Variants in ADGRG1 observed in about 807,000 individuals in gnomAD.
ADGRG1 encodes 7-transmembrane protein with no EGF-like N-terminal domains-1.
Under a neutral mutation model 73.5 loss-of-function variants are expected in ADGRG1, and 53 were observed. The ratio of observed to expected loss-of-function variants is 0.72; its 90% CI spans 0.58 to 0.91. ADGRG1 has a LOEUF of 0.91. Ranked by LOEUF, ADGRG1 falls within the 40% of genes least tolerant of loss-of-function variation. The pLI is 0.00. For synonymous variants in ADGRG1, 394 were observed against 374.4 expected (o/e 1.05, Z -0.60); for missense variants, 795 against 871.8 (o/e 0.91, Z 1.11).
At chr16:57,648,884 G>A (rs1318882318) in intron 1 of ADGRG1, among the ~76,000 whole-genome samples, 5 of 152,250 alleles carry the variant, frequency 3.3e-5, no homozygotes, top group African/African-American at 1.2e-4. Flanking sequence ...GACCAGGCAG[G>A]GAAAGCCCCT....
chr16:57,635,039 G>C (rs1461568568), intron 1 of ADGRG1: 1 of 985,184 alleles, frequency 1.0e-6, no homozygotes, highest in Non-Finnish European at 1.2e-6. Flanking sequence ...GAGGGGGAGA[G>C]GGACCCAGCT....
At position 57,664,604 on chromosome 16, in the gene ADGRG1, T is replaced by C. The variant is rs1000122903; in HGVS notation, c.*1022T>C. On this transcript the variant is annotated 3_prime_UTR_variant, in exon 14 of 14. Coordinates refer to ENST00000562631, the MANE Select transcript of ADGRG1 (RefSeq NM_201525.4). ...ACTGGCCTAGGGCCTGACACTCTCCTAAGAGGTTCTCTCCAAGCCCCCAAA... is the reference window on the plus strand; with the variant it reads ...ACTGGCCTAGGGCCTGACACTCTCCCAAGAGGTTCTCTCCAAGCCCCCAAA... The C allele has an allele frequency of 2.0e-5, 3 of 152,372 alleles. No homozygotes were observed. Among genetic ancestry groups the C allele is most frequent in the Non-Finnish European group, 4.4e-5 (3 of 68,152 alleles). The allele number at this position is 152,372 out of a possible 1,614,324, so 9.4% of individuals were successfully genotyped here.
chr16:57,637,705 T>G, intron 1 of ADGRG1: 3 of 985,222 alleles, frequency 3.0e-6, no homozygotes, highest in Non-Finnish European at 3.6e-6. Flanking sequence ...GCCTCCTGAC[T>G]GAAGCTGCCT....
chr16:57,645,138 C>A (rs1313306924), intron 1 of ADGRG1: 1 of 985,358 alleles, frequency 1.0e-6, no homozygotes, highest in African/African-American at 1.7e-5. Context: ...GGGCCAAATC[C>A]TTGCTTCCAA....
intron 1 of ADGRG1, chr16:57,644,300 C>A: frequency 1.6e-6 from 1 of 608,558 alleles, no homozygotes. Flanking sequence ...CATGCTCAGG[C>A]ACACACTCAT....
At position 57,655,355 on chromosome 16, in the gene ADGRG1, T is replaced by C. The variant is rs759827630; in HGVS notation, c.769-44T>C. The C allele has an allele frequency of 5.6e-6, 9 of 1,606,442 alleles. No homozygotes were observed. The South Asian group carries it at 7.7e-5, about 14-fold the overall frequency. ...TGTGTGCTAGGGTGGGGGGCACGGA[T>C]CTAGGGGTCCGCATTTGGCTGAGCC... On this transcript the variant is annotated intron_variant, in intron 5 of 13. Transcript: ENST00000562631.
At chr16:57,642,367 T>TC in intron 1 of ADGRG1, 1 of 985,280 alleles carries the variant, frequency 1.0e-6, no homozygotes, top group Non-Finnish European at 1.2e-6. Context: ...CCTAAGTGTC[T>TC]CCTCTAGCTC....
intron 5 of ADGRG1, 83 bp from the exon 6 acceptor site, chr16:57,655,316 T>TGG (rs1555551897): frequency 2.0e-6 from 3 of 1,508,140 alleles, no homozygotes; most frequent in Non-Finnish European, 2.6e-6. Context: ...CAGGAACGGA[T>TGG]GGGTGTGTGT....
chr16:57,656,103 G>A (rs1474615203), intron 7 of ADGRG1, 111 bp downstream of exon 7: 1 of 1,613,178 alleles, frequency 6.2e-7, no homozygotes, highest in African/African-American at 1.3e-5. Context: ...GCCTGATCGA[G>A]CAGTCAGGTC....
chr16:57,653,169 A>AGCC (rs1383098835), intron 3 of ADGRG1, 34 bp from the exon 4 acceptor site: 1 of 1,602,902 alleles, frequency 6.2e-7, no homozygotes. Flanking sequence ...CTGAATCGGC[A>AGCC]GCCTCGGCGG....
upstream of ADGRG1, chr16:57,623,275 T>C: frequency 1.0e-6 from 1 of 980,132 alleles, no homozygotes; most frequent in Non-Finnish European, 1.2e-6. Context: ...TGCAGCCAGG[T>C]GTGGACGCAG....
In ADGRG1 at chr16:57,655,473, C is replaced by G. The variant is rs1801257; in HGVS notation, c.843C>G (p.Ser281Arg). 846,909 of 1,613,186 alleles carry G rather than the reference C, an allele frequency of 0.52. 231,092 individuals are homozygous for G. Among genetic ancestry groups the G allele is most frequent in the African/African-American group, 0.83 (62,244 of 74,954 alleles). Residue 281 changes from serine to arginine, a missense_variant, in exon 6 of 14, where the codon AGC becomes AGG. Physicochemically the swap from Ser to Arg is moderately radical, Grantham distance 110 (BLOSUM62 -1). Transcript: ENST00000562631. The stretch of plus-strand genomic sequence containing the variant: ...TCTTCCAGAGGACGAAAGGCCGGAG[C>G]GGGGAGGCTGAGAAGAGACTCCTCC... ...RTLFQRTKGRSGEAEKRLLLV... is the reference protein window; with the variant it reads ...RTLFQRTKGRRGEAEKRLLLV...
At chr16:57,638,797 C>T (rs183822250) in intron 1 of ADGRG1, among the ~76,000 whole-genome samples, 23 of 152,198 alleles carry the variant, frequency 1.5e-4, no homozygotes, top group East Asian at 5.8e-4. Flanking sequence ...TTGGGCCAGG[C>T]GCGGTGGCTC....
chr16:57,653,808 G>A (rs1051780930), intron 4 of ADGRG1, 178 bp from the exon 5 acceptor site: 1 of 985,168 alleles, frequency 1.0e-6, no homozygotes, highest in Non-Finnish European at 1.2e-6. Context: ...GCAGATGCCT[G>A]CTTTTCTCTT....
At chr16:57,628,986 G>GTA in intron 1 of ADGRG1, 184 bp downstream of exon 1, 1 of 510,386 alleles carries the variant, frequency 2.0e-6, no homozygotes, top group Non-Finnish European at 2.4e-6. Flanking sequence ...GAGAGTGAGT[G>GTA]AGAATGTGAG....
chr16:57,632,434 A>T, intron 1 of ADGRG1: 1 of 606,186 alleles, frequency 1.6e-6, no homozygotes, highest in Non-Finnish European at 2.1e-6. Context: ...GAGCATGAAG[A>T]GAGTTGATAG....
chr16:57,630,220 G>T, intron 1 of ADGRG1: 1 of 434,130 alleles, frequency 2.3e-6, no homozygotes. Context: ...TGGCTCCTTG[G>T]GGTCAGAGAC....
At chr16:57,637,473 G>A (rs1178227773) in intron 1 of ADGRG1, 1 of 985,238 alleles carries the variant, frequency 1.0e-6, no homozygotes, top group Admixed American at 6.2e-5. Context: ...CCTCCCCCCA[G>A]GTCCCCTGAA....
At chr16:57,634,891 T>G in intron 1 of ADGRG1, 1 of 890,134 alleles carries the variant, frequency 1.1e-6, no homozygotes, top group African/African-American at 1.8e-5. Context: ...AGGTGGTGCC[T>G]CTATCTAGAA....
Sources: gnomAD v4.1 joint callset for allele counts (sites outside exome capture counted in the v4.1 genomes callset) on GRCh38, gnomAD v4.1.1 for gene constraint, MANE v1.5 for transcripts, NCBI Gene and HGNC (gene_info 2026-07-23, HGNC 2026-07-21) for gene names.